Variants in TTLL5 observed in about 807,000 individuals in gnomAD.
TTLL5 encodes tubulin tyrosine ligase like 5.
A neutral mutation model predicts 168.4 loss-of-function variants in TTLL5; 132 were observed. That is an observed-to-expected ratio of 0.78 (90% CI 0.68 to 0.91). The LOEUF is 0.91. Among genes scored for constraint, TTLL5 ranks in the 40% least tolerant of loss-of-function variants. The pLI is 0.00. For missense variants in TTLL5, 1,545 were observed against 1,581.5 expected (o/e 0.98, Z 0.39); for synonymous variants, 546 against 558.6 (o/e 0.98, Z 0.32).
At chr14:75,696,478 A>G (rs1885879681) in intron 6 of TTLL5, among the ~76,000 whole-genome samples, 1 of 152,244 alleles carries the variant, frequency 6.6e-6, no homozygotes, top group Non-Finnish European at 1.5e-5. Flanking sequence ...TCTGCTCAGT[A>G]TCTGGGGAAA....
chr14:75,874,999 T>A (rs913394227), intron 29 of TTLL5, among the ~76,000 whole-genome samples: 1 of 137,786 alleles, frequency 7.3e-6, no homozygotes. Flanking sequence ...AGTGGCGTGA[T>A]CTTGGCTCAC....
intron 30 of TTLL5, among the ~76,000 whole-genome samples, chr14:75,891,959 A>G (rs1243539593): frequency 6.6e-6 from 1 of 152,198 alleles, no homozygotes; most frequent in Non-Finnish European, 1.5e-5. Flanking sequence ...TGGTCAGCGT[A>G]GTTGTATTCT....
At chr14:75,954,368 A>G in intron 31 of TTLL5, 56 bp from the exon 32 acceptor site, 1 of 1,597,408 alleles carries the variant, frequency 6.3e-7, no homozygotes, top group Non-Finnish European at 8.6e-7. Flanking sequence ...GCTGCCTGTA[A>G]GTAAAACCCC....
intron 27 of TTLL5, among the ~76,000 whole-genome samples, chr14:75,796,283 T>A (rs1021705103): frequency 1.3e-5 from 2 of 152,220 alleles, no homozygotes; most frequent in African/African-American, 4.8e-5. Flanking sequence ...ATTATTTTTT[T>A]CTTGCTGATT....
chr14:75,823,544 C>G (rs978494974), intron 28 of TTLL5, among the ~76,000 whole-genome samples: 9 of 152,170 alleles, frequency 5.9e-5, no homozygotes, highest in African/African-American at 1.4e-4. Flanking sequence ...GTGGATCGAG[C>G]TGTCAGGGAA....
chr14:75,897,462 TTTTA>T (rs895585891), intron 30 of TTLL5, among the ~76,000 whole-genome samples: 1 of 152,016 alleles, frequency 6.6e-6, no homozygotes, highest in Non-Finnish European at 1.5e-5. Flanking sequence ...TTTATTTTAT[TTTTA>T]TTTATTCATT....
chr14:75,934,510 T>C (rs1455817753), intron 31 of TTLL5, among the ~76,000 whole-genome samples: 1 of 152,146 alleles, frequency 6.6e-6, no homozygotes. Context: ...AAGACAAGGT[T>C]TTCTGGGGGA....
chr14:75,833,786 G>C (rs1489291712), intron 28 of TTLL5, among the ~76,000 whole-genome samples: 1 of 152,196 alleles, frequency 6.6e-6, no homozygotes, highest in African/African-American at 2.4e-5. Flanking sequence ...ATGAAGTAGA[G>C]TGTGCAAATT....
intron 30 of TTLL5, chr14:75,887,186 G>A: frequency 1.0e-6 from 1 of 1,000,280 alleles, no homozygotes; most frequent in Non-Finnish European, 1.2e-6. Context: ...TGGGTAGCCT[G>A]GTAGCACCAA....
rs147118012 is a variant in TTLL5, at chr14:75,822,341, A to G, written c.3326+2180A>G. ...TATTCATTTAATCTTTTTATTGGGT[A>G]AGCATACTTACATATGAAGTGGCCT... On this transcript the variant is annotated intron_variant, in intron 28 of 31. Coordinates refer to ENST00000298832, the MANE Select transcript of TTLL5 (RefSeq NM_015072.5). Among the ~76,000 whole-genome samples the G allele has an allele frequency of 5.4e-4, 83 of 152,304 alleles. 1 individual carries two copies. In the East Asian group the frequency reaches 0.014, roughly 26 times the overall value.
intron 28 of TTLL5, among the ~76,000 whole-genome samples, chr14:75,861,190 G>A (rs1341757843): frequency 8.0e-6 from 1 of 125,292 alleles, no homozygotes; most frequent in Non-Finnish European, 1.8e-5. Context: ...CTGAACTGTG[G>A]GAGCCAAACT....
chr14:75,898,079 T>C (rs1483610898), intron 30 of TTLL5, among the ~76,000 whole-genome samples: 2 of 152,258 alleles, frequency 1.3e-5, no homozygotes, highest in African/African-American at 4.8e-5. Flanking sequence ...CCAGTTTTTC[T>C]AACTTCATCT....
At chr14:75,770,855 C>T (rs144846763) in intron 20 of TTLL5, among the ~76,000 whole-genome samples, 1 of 152,194 alleles carries the variant, frequency 6.6e-6, no homozygotes, top group Admixed American at 6.5e-5. Flanking sequence ...CCCTCATTTG[C>T]TCTGGGCTCC....
intron 9 of TTLL5, among the ~76,000 whole-genome samples, chr14:75,714,134 C>G (rs1887275615): frequency 6.6e-6 from 1 of 152,004 alleles, no homozygotes; most frequent in Non-Finnish European, 1.5e-5. Context: ...TCAGTTTGGG[C>G]TTGTCTGATA....
At chr14:75,820,332 A>G (rs1566618309) in intron 28 of TTLL5, among the ~76,000 whole-genome samples, 171 bp downstream of exon 28, 1 of 152,220 alleles carries the variant, frequency 6.6e-6, no homozygotes, top group East Asian at 1.9e-4. Context: ...TTTATTTGTA[A>G]GACAGTTTTC....
At chr14:75,665,957 C>T (rs897289222) in intron 2 of TTLL5, among the ~76,000 whole-genome samples, 1 of 152,226 alleles carries the variant, frequency 6.6e-6, no homozygotes, top group African/African-American at 2.4e-5. Flanking sequence ...TTAAGAAATA[C>T]TGAATTTCTA....
At chr14:75,925,518 CT>C (rs1314643058) in intron 31 of TTLL5, among the ~76,000 whole-genome samples, 1 of 150,378 alleles carries the variant, frequency 6.6e-6, no homozygotes, top group Non-Finnish European at 1.5e-5. Context: ...ACGCTCCTCA[CT>C]TCCTAGATGG....
At chr14:75,705,563 C>T (rs547398710) in intron 7 of TTLL5, among the ~76,000 whole-genome samples, 2 of 152,236 alleles carry the variant, frequency 1.3e-5, no homozygotes, top group South Asian at 4.2e-4. Context: ...GGTCCCTAAC[C>T]CACTCTGATT....
chr14:75,802,366 A>G (rs997489809), intron 27 of TTLL5, among the ~76,000 whole-genome samples: 1 of 152,164 alleles, frequency 6.6e-6, no homozygotes, highest in Admixed American at 6.5e-5. Context: ...ATTCTGATCT[A>G]TCTTTAATTG....
Sources: allele counts gnomAD v4.1 joint callset (sites outside exome capture counted in the v4.1 genomes callset), GRCh38; gene constraint gnomAD v4.1.1; transcripts MANE v1.5; gene names NCBI Gene and HGNC (gene_info 2026-07-23, HGNC 2026-07-21).